The following LRRC7 variants were observed in gnomAD, a reference collection of about 807,000 sequenced individuals.
LRRC7 encodes the protein leucine rich repeat containing 7.
Under a neutral mutation model 175.7 loss-of-function variants are expected in LRRC7, and 23 were observed. The ratio of observed to expected loss-of-function variants is 0.13; its 90% CI spans 0.09 to 0.19. The LOEUF (loss-of-function observed/expected upper bound fraction) is 0.19, where lower values mean the gene tolerates loss of function less well. LRRC7 is among the 10% of genes least tolerant of loss of function. The pLI, the probability that LRRC7 is intolerant of heterozygous loss-of-function variation, is 1.00. For missense variants in LRRC7, 1,354 were observed against 1,904.7 expected, an observed-to-expected ratio of 0.71 and a Z score of 5.38; for synonymous variants, 685 against 680.9, an observed-to-expected ratio of 1.01 and a Z score of -0.09.
intron 25 of LRRC7, among the ~76,000 whole-genome samples, chr1:70,094,331 T>G (rs17131196): frequency 0.072 from 10,949 of 152,140 alleles, 495 homozygotes; most frequent in South Asian, 0.18. Context: ...CATCCATATT[T>G]CCACTAAGTT....
At chr1:69,640,186 T>C (rs1235831367) in intron 1 of LRRC7, among the ~76,000 whole-genome samples, 3 of 151,770 alleles carry the variant, frequency 2.0e-5, no homozygotes, top group African/African-American at 7.2e-5. Context: ...CGGTACCAGA[T>C]AACATCCATT....
chr1:69,701,359 G>A (rs572099461), intron 2 of LRRC7, among the ~76,000 whole-genome samples: 1 of 152,072 alleles, frequency 6.6e-6, no homozygotes, highest in Non-Finnish European at 1.5e-5. Context: ...CCCTTAGGTC[G>A]GTGGAAACAC....
intron 7 of LRRC7, among the ~76,000 whole-genome samples, chr1:69,897,399 C>T (rs2101658105): frequency 6.6e-6 from 1 of 152,140 alleles, no homozygotes; most frequent in East Asian, 1.9e-4. Context: ...GTCTATAATT[C>T]TTACCCTGCT....
intron 23 of LRRC7, among the ~76,000 whole-genome samples, chr1:70,071,041 A>T (rs778534866): frequency 6.6e-5 from 10 of 152,052 alleles, no homozygotes; most frequent in Non-Finnish European, 1.0e-4. Context: ...TGGGCTCAAC[A>T]CTTGGCTTTT....
In LRRC7 at chr1:70,135,196, T is replaced by C. The variant is rs1212246260; in HGVS notation, c.*13309T>C. Among the ~76,000 whole-genome samples, 1 of 152,200 alleles carries C rather than the reference T, an allele frequency of 6.6e-6. No homozygotes were observed. The highest frequency in any genetic ancestry group is 2.4e-5 in the African/African-American group (1 of 41,440). ...TATTTTTTTCTTTGTCTTCTATGGATAATCTTAATTTTTTATTCCTAGGAG... is the reference window on the plus strand; with the variant it reads ...TATTTTTTTCTTTGTCTTCTATGGACAATCTTAATTTTTTATTCCTAGGAG... On this transcript the variant is annotated 3_prime_UTR_variant, in exon 27 of 27. Transcript: ENST00000651989.
In LRRC7 at chr1:70,125,563, C is replaced by T. The variant is rs543588073; in HGVS notation, c.*3676C>T. ...ATCCCAGCACTTTGGGAGGCCGAGG[C>T]GGGCGGATCACGAGGTCAGGAGATC... On this transcript the variant is annotated 3_prime_UTR_variant, in exon 27 of 27. Transcript: ENST00000651989. Among the ~76,000 whole-genome samples, 7 of 152,046 alleles carry T rather than the reference C, an allele frequency of 4.6e-5. No homozygotes were observed. Among genetic ancestry groups the T allele is most frequent in the African/African-American group, 9.7e-5 (4 of 41,396 alleles).
chr1:69,798,245 C>G (rs1260516014), intron 4 of LRRC7, among the ~76,000 whole-genome samples: 2 of 151,996 alleles, frequency 1.3e-5, no homozygotes, highest in African/African-American at 4.8e-5. Flanking sequence ...ACTTTATGGC[C>G]TAGATACTGA....
At chr1:69,790,214 G>A (rs963421845) in intron 3 of LRRC7, among the ~76,000 whole-genome samples, 29 of 151,918 alleles carry the variant, frequency 1.9e-4, no homozygotes, top group African/African-American at 4.6e-4. Flanking sequence ...AAGATATTAC[G>A]TAACTTGCCC....
intron 3 of LRRC7, among the ~76,000 whole-genome samples, chr1:69,765,754 C>CT (rs1023008500): frequency 6.4e-4 from 98 of 152,136 alleles, no homozygotes; most frequent in African/African-American, 2.2e-3. Flanking sequence ...AACTCAGGTA[C>CT]TTGCTTAAGG....
chr1:69,709,579 T>C (rs1265380132), intron 2 of LRRC7, among the ~76,000 whole-genome samples: 1 of 152,102 alleles, frequency 6.6e-6, no homozygotes, highest in Non-Finnish European at 1.5e-5. Flanking sequence ...GTTCAATGAA[T>C]GAATGAATGC....
intron 1 of LRRC7, among the ~76,000 whole-genome samples, chr1:69,623,604 G>C (rs1187146929): frequency 6.8e-6 from 1 of 147,814 alleles, no homozygotes; most frequent in African/African-American, 2.5e-5. Flanking sequence ...AGGCTGGAGT[G>C]CAATGGTACG....
chr1:69,643,380 G>T (rs745759776), intron 1 of LRRC7, among the ~76,000 whole-genome samples: 14 of 152,090 alleles, frequency 9.2e-5, no homozygotes, highest in Admixed American at 7.9e-4. Flanking sequence ...AGTAAAAAAA[G>T]AGTGCTTGTA....
chr1:69,571,107 C>A (rs751846322), intron 1 of LRRC7, among the ~76,000 whole-genome samples: 8 of 152,088 alleles, frequency 5.3e-5, no homozygotes, highest in Non-Finnish European at 1.2e-4. Flanking sequence ...ATTTTCATGA[C>A]TTATTATGAG....
chr1:70,023,181 C>G lies in LRRC7; in HGVS notation c.1601C>G (p.Pro534Arg). The G allele has an allele frequency of 3.8e-6, 6 of 1,565,558 alleles. No homozygotes were observed. The highest frequency in any genetic ancestry group is 5.2e-6 in the Non-Finnish European group (6 of 1,149,560). ...GGCCAGCGTGGGATTACTCTCCAAC[C>G]TGCCAGACTGTCTGGCGATTGCTGC... ...ERGQRGITLQ[P>R]ARLSGDCCTP... The change falls in exon 17 of 27, where the codon CCT (proline) becomes CGT (arginine). Residue 534 changes from proline to arginine, a missense_variant. Around this residue, in one of 4 missense-constraint regions of LRRC7, gnomAD observed 1,032 missense variants for 1,227.2 expected, o/e 0.84. Coordinates refer to ENST00000651989, the MANE Select transcript of LRRC7 (RefSeq NM_001370785.2).
chr1:70,065,646 C>T (rs1661915618), intron 23 of LRRC7, among the ~76,000 whole-genome samples: 1 of 151,868 alleles, frequency 6.6e-6, no homozygotes, highest in Admixed American at 6.6e-5. Context: ...GTATTAAAAA[C>T]ATATACAATG....
intron 1 of LRRC7, among the ~76,000 whole-genome samples, chr1:69,646,069 G>A (rs1187569428): frequency 6.6e-6 from 1 of 151,994 alleles, no homozygotes; most frequent in Non-Finnish European, 1.5e-5. Flanking sequence ...TTAAAAAGAT[G>A]TACATAATGG....
intron 21 of LRRC7, 141 bp from the exon 22 acceptor site, chr1:70,043,813 C>A: frequency 1.1e-6 from 1 of 888,668 alleles, no homozygotes; most frequent in Non-Finnish European, 1.7e-6. Flanking sequence ...ATGCTTCTGT[C>A]TGATCAAGTG....
intron 5 of LRRC7, among the ~76,000 whole-genome samples, chr1:69,828,143 A>G (rs1384121670): frequency 6.6e-6 from 1 of 152,130 alleles, no homozygotes; most frequent in East Asian, 1.9e-4. Context: ...ATTCCATTGT[A>G]TGGCTATAAC....
intron 7 of LRRC7, among the ~76,000 whole-genome samples, chr1:69,862,284 G>A (rs1684436662): frequency 2.0e-5 from 3 of 152,222 alleles, no homozygotes; most frequent in Admixed American, 2.0e-4. Context: ...AACTGGTAGT[G>A]TGTTCTTATA....
Sources: allele counts gnomAD v4.1 joint callset (sites outside exome capture counted in the v4.1 genomes callset), GRCh38; gene constraint gnomAD v4.1.1; regional missense constraint gnomAD v4.1.1; transcripts MANE v1.5; gene names NCBI Gene and HGNC (gene_info 2026-07-23, HGNC 2026-07-21).